The following GRIA4 variants were observed in gnomAD, a reference collection of about 807,000 sequenced individuals.
GRIA4 encodes glutamate ionotropic receptor AMPA type subunit 4, also known as glutamate receptor 4.
GRIA4 carries 34 observed loss-of-function variants against 104.0 expected under a neutral mutation model. The observed-to-expected ratio is 0.33, with a 90% CI of 0.25 to 0.44. The LOEUF (loss-of-function observed/expected upper bound fraction) is 0.44, where lower values mean the gene tolerates loss of function less well. Among genes scored for constraint, GRIA4 ranks in the 20% least tolerant of loss-of-function variants. GRIA4 has a pLI of 1.00. For missense variants in GRIA4, 750 were observed against 1,096.5 expected, an observed-to-expected ratio of 0.68 and a Z score of 4.46; for synonymous variants, 386 against 381.9, an observed-to-expected ratio of 1.01 and a Z score of -0.13.
chr11:105,749,977 T>G (rs1939903336), intron 3 of GRIA4, among the ~76,000 whole-genome samples: 1 of 152,194 alleles, frequency 6.6e-6, no homozygotes, highest in Non-Finnish European at 1.5e-5. Flanking sequence ...AATTTACATT[T>G]TTCCCTTTTA....
chr11:105,634,047 C>T (rs752147057), intron 3 of GRIA4, among the ~76,000 whole-genome samples: 12 of 152,128 alleles, frequency 7.9e-5, no homozygotes, highest in Middle Eastern at 3.4e-3. Context: ...CTGCTGTAAG[C>T]TTTTGAAAAA....
intron 4 of GRIA4, among the ~76,000 whole-genome samples, chr11:105,802,719 A>G (rs55888330): frequency 0.043 from 6,555 of 151,976 alleles, 264 homozygotes; most frequent in Admixed American, 0.14. Flanking sequence ...AATATAGAAT[A>G]CATCTCTTCC....
intron 3 of GRIA4, among the ~76,000 whole-genome samples, chr11:105,690,192 T>C (rs561832546): frequency 1.3e-5 from 2 of 152,326 alleles, no homozygotes; most frequent in African/African-American, 4.8e-5. Flanking sequence ...GTAACTTTTC[T>C]GCCTTATTGG....
chr11:105,755,631 T>C (rs1159255775), intron 4 of GRIA4, among the ~76,000 whole-genome samples: 1 of 152,188 alleles, frequency 6.6e-6, no homozygotes, highest in African/African-American at 2.4e-5. Context: ...AGATAGCTAG[T>C]AAAACATTAT....
chr11:105,724,941 T>A (rs557397181), intron 3 of GRIA4, among the ~76,000 whole-genome samples: 24 of 152,314 alleles, frequency 1.6e-4, no homozygotes, highest in South Asian at 6.2e-4. Flanking sequence ...GTTGTCTATA[T>A]GTTCAATTAA....
chr11:105,926,099 C>A (rs1947695807), intron 12 of GRIA4, among the ~76,000 whole-genome samples: 1 of 151,968 alleles, frequency 6.6e-6, no homozygotes, highest in African/African-American at 2.4e-5. Context: ...AATGGACTAT[C>A]AAGCAAACAA....
chr11:105,724,939 TA>T (rs1354306585), intron 3 of GRIA4, among the ~76,000 whole-genome samples: 1 of 152,188 alleles, frequency 6.6e-6, no homozygotes, highest in African/African-American at 2.4e-5. Flanking sequence ...AGGTTGTCTA[TA>T]TGTTCAATTA....
At chr11:105,972,517 CCATTA>C (rs1291281919) in intron 15 of GRIA4, among the ~76,000 whole-genome samples, 33 of 152,188 alleles carry the variant, frequency 2.2e-4, no homozygotes, top group East Asian at 3.9e-4. Flanking sequence ...TGAAGAACCT[CCATTA>C]TATTTCTGTG....
intron 4 of GRIA4, among the ~76,000 whole-genome samples, chr11:105,823,335 C>T (rs898009916): frequency 6.6e-6 from 1 of 152,064 alleles, no homozygotes; most frequent in African/African-American, 2.4e-5. Flanking sequence ...CATAAACATC[C>T]AATTTCTTCT....
intron 3 of GRIA4, among the ~76,000 whole-genome samples, chr11:105,614,797 T>C (rs1012914278): frequency 1.3e-5 from 2 of 151,788 alleles, no homozygotes; most frequent in Admixed American, 6.6e-5. Context: ...AGAGTGTGGG[T>C]CAGGTGATTG....
intron 3 of GRIA4, among the ~76,000 whole-genome samples, chr11:105,626,043 G>A (rs1950878317): frequency 6.6e-6 from 1 of 152,074 alleles, no homozygotes; most frequent in South Asian, 2.1e-4. Context: ...GGATAGATGT[G>A]GGATGATGCC....
At chr11:105,745,442 T>C (rs1239086888) in intron 3 of GRIA4, among the ~76,000 whole-genome samples, 1 of 152,144 alleles carries the variant, frequency 6.6e-6, no homozygotes, top group African/African-American at 2.4e-5. Flanking sequence ...TCCATCCATG[T>C]AGTAATGGCC....
intron 10 of GRIA4, chr11:105,913,222 G>A: frequency 2.6e-6 from 1 of 382,330 alleles, no homozygotes; most frequent in Non-Finnish European, 3.6e-6. Flanking sequence ...AGTATATTGA[G>A]AGAAAGCAGA....
chr11:105,754,816 C>T (rs1409162813), intron 4 of GRIA4, among the ~76,000 whole-genome samples: 2 of 152,128 alleles, frequency 1.3e-5, no homozygotes, highest in Non-Finnish European at 2.9e-5. Context: ...CAATGTTTTG[C>T]TCACATTACT....
intron 4 of GRIA4, among the ~76,000 whole-genome samples, chr11:105,817,064 C>T (rs1262145322): frequency 6.6e-6 from 1 of 152,014 alleles, no homozygotes; most frequent in Non-Finnish European, 1.5e-5. Flanking sequence ...TGAAATCCAA[C>T]TGCTGGGGTT....
At chr11:105,914,307 T>C (rs965701594) in intron 10 of GRIA4, among the ~76,000 whole-genome samples, 6 of 151,998 alleles carry the variant, frequency 3.9e-5, no homozygotes, top group Non-Finnish European at 8.8e-5. Flanking sequence ...CTACATCCAT[T>C]AAGATTTTTT....
intron 3 of GRIA4, among the ~76,000 whole-genome samples, chr11:105,626,720 G>A (rs1468137584): frequency 6.6e-6 from 1 of 152,104 alleles, no homozygotes; most frequent in Non-Finnish European, 1.5e-5. Context: ...TTCTCCATCT[G>A]ACTTGTGCCA....
At chr11:105,964,786 T>G (rs1189883222) in intron 14 of GRIA4, among the ~76,000 whole-genome samples, 7 of 148,250 alleles carry the variant, frequency 4.7e-5, no homozygotes. Flanking sequence ...CATGACATGT[T>G]TTTTTTTGTT....
rs544905087 is a variant in GRIA4 at position 105,658,774 on chromosome 11, A to G, written c.247+46340A>G. Among the ~76,000 whole-genome samples the G allele has an allele frequency of 1.4e-4, 22 of 152,038 alleles. 1 individual carries two copies. In the South Asian group the frequency reaches 4.4e-3, roughly 30 times the overall value. On this transcript the variant is annotated intron_variant, in intron 3 of 16. Coordinates refer to ENST00000282499, the MANE Select transcript of GRIA4 (RefSeq NM_000829.4). ...GTTGAATTTTTTGAGGAAATTTCTA[A>G]GAGATGTTATTTGTGAGAAAGTAAC...
Sources: allele counts gnomAD v4.1 joint callset (sites outside exome capture counted in the v4.1 genomes callset), GRCh38; gene constraint gnomAD v4.1.1; transcripts MANE v1.5; gene names NCBI Gene and HGNC (gene_info 2026-07-23, HGNC 2026-07-21).